The following IST1 variants were observed in gnomAD, a reference collection of about 807,000 sequenced individuals.
The protein encoded by IST1 is IST1 factor associated with ESCRT-III.
IST1 carries 23 observed loss-of-function variants against 37.0 expected under a neutral mutation model. The observed-to-expected ratio is 0.62, with a 90% confidence interval of 0.45 to 0.88. The LOEUF (loss-of-function observed/expected upper bound fraction) is 0.88. IST1 is among the 40% of genes least tolerant of loss of function. The probability of loss-of-function intolerance (pLI) is 0.00; values close to 1 mark genes in which losing one functional copy is unlikely to be tolerated. For synonymous variants in IST1, 180 were observed against 161.7 expected, an observed-to-expected ratio of 1.11 and a Z score of -0.86; for missense variants, 488 against 445.4, an observed-to-expected ratio of 1.10 and a Z score of -0.86.
At position 71,929,352 on chromosome 16, in the gene IST1, G is replaced by C. The variant is rs569907636; in HGVS notation, c.*1539G>C. On this transcript the variant is annotated 3_prime_UTR_variant, in exon 10 of 10. Transcript: ENST00000378799. ...CTTGGCAGCAGAGCTAGTTTGTCTC[G>C]TAGTATTCTTGCATTGTTAATCCTA... 132 of 545,962 alleles carry C rather than the reference G, an allele frequency of 2.4e-4. No individual in the cohort carries two copies. Among genetic ancestry groups the C allele is most frequent in the Non-Finnish European group, 3.6e-4 (117 of 328,480 alleles). 33.8% of individuals were successfully genotyped at this position (545,962 alleles called of 1,614,324 possible). A position where few individuals can be genotyped will look rare whatever the true frequency, so the allele number is the denominator to read the frequency against.
At chr16:71,906,621 A>C (rs967858274) in intron 1 of IST1, among the ~76,000 whole-genome samples, 1 of 152,098 alleles carries the variant, frequency 6.6e-6, no homozygotes, top group Non-Finnish European at 1.5e-5. Flanking sequence ...CTGGCCCGCA[A>C]TTCTTTTAGA....
chr16:71,911,245 C>G (rs376552847), intron 1 of IST1, among the ~76,000 whole-genome samples: 12 of 152,000 alleles, frequency 7.9e-5, no homozygotes, highest in African/African-American at 2.9e-4. Context: ...ACGTCAAAAA[C>G]AAAACAATAA....
chr16:71,929,430 C>T lies in IST1; in HGVS notation c.*1617C>T. On this transcript the variant is annotated 3_prime_UTR_variant, in exon 10 of 10. Transcript: ENST00000378799. ...CTTGGGACCAAGGGGATTTTGATTC[C>T]TAACTTACAGAATTAAAAACAAAGT... 1 of 1,171,692 alleles carries T rather than the reference C, an allele frequency of 8.5e-7. No individual in the cohort carries two copies. Among genetic ancestry groups the T allele is most frequent in the South Asian group, 1.8e-5 (1 of 54,136 alleles). The allele number at this position is 1,171,692 out of a possible 1,614,324, so 72.6% of individuals were successfully genotyped here.
chr16:71,927,591 G>A (rs202004527), intron 9 of IST1, 23 bp from the exon 10 acceptor site: 29 of 1,557,082 alleles, frequency 1.9e-5, no homozygotes, highest in East Asian at 4.5e-5. Context: ...TATTTGTAAC[G>A]TTGTGCTCCT....
intron 1 of IST1, among the ~76,000 whole-genome samples, chr16:71,902,905 C>T (rs748004440): frequency 1.3e-5 from 2 of 151,312 alleles, no homozygotes; most frequent in Non-Finnish European, 2.9e-5. Context: ...TTGATTTTTG[C>T]TTTCTTTTTG....
chr16:71,899,484 T>C (rs2037053102), intron 1 of IST1, among the ~76,000 whole-genome samples: 1 of 152,244 alleles, frequency 6.6e-6, no homozygotes, highest in Admixed American at 6.5e-5. Flanking sequence ...TAGCACCTCA[T>C]TGTGTCTGTT....
At chr16:71,911,710 ATTTTTTTTT>A (rs550809762) in intron 1 of IST1, among the ~76,000 whole-genome samples, 9 of 90,900 alleles carry the variant, frequency 9.9e-5, no homozygotes, top group South Asian at 4.0e-4. Flanking sequence ...TTAAACTTCG[ATTTTTTTTT>A]TTTTTTTTTT....
chr16:71,926,119 TA>T (rs1417021455), intron 9 of IST1, among the ~76,000 whole-genome samples: 5 of 151,744 alleles, frequency 3.3e-5, no homozygotes, highest in African/African-American at 1.2e-4. Context: ...CTGTCTCTAC[TA>T]AAAATACACA....
chr16:71,927,220 C>T (rs1487148025), intron 9 of IST1, among the ~76,000 whole-genome samples: 1 of 151,946 alleles, frequency 6.6e-6, no homozygotes, highest in Non-Finnish European at 1.5e-5. Flanking sequence ...TTTTTTTTAG[C>T]CAGATGCGGT....
rs1185381025 is a variant in IST1 at position 71,930,823 on chromosome 16, C to G, written c.*3010C>G. ...TTTCAACAAATGGTATTTATTTTCC[C>G]TTGGTATTGGCCCATTCATTGTTGC... is the stretch of plus-strand genomic sequence containing the variant. On this transcript the variant is annotated 3_prime_UTR_variant, in exon 10 of 10. Coordinates refer to ENST00000378799, the MANE Select transcript of IST1 (RefSeq NM_001270975.2). 1 of 152,084 alleles carries G rather than the reference C, an allele frequency of 6.6e-6. No homozygotes were observed. The highest frequency in any genetic ancestry group is 1.5e-5 in the Non-Finnish European group (1 of 68,022). The allele number at this position is 152,084 out of a possible 1,614,324, so 9.4% of individuals were successfully genotyped here.
intron 1 of IST1, among the ~76,000 whole-genome samples, chr16:71,903,433 A>G (rs1471475292): frequency 2.0e-5 from 3 of 152,136 alleles, no homozygotes; most frequent in East Asian, 1.9e-4. Context: ...TTGACCTCCA[A>G]GCAGTTCATC....
chr16:71,895,840 G>C (rs2036954584), intron 1 of IST1, among the ~76,000 whole-genome samples: 1 of 152,220 alleles, frequency 6.6e-6, no homozygotes, highest in South Asian at 2.1e-4. Flanking sequence ...GGAGGCCTCT[G>C]GTCCTGGATC....
In IST1 at chr16:71,929,731, T is replaced by A. The variant is rs1436772261; in HGVS notation, c.*1918T>A. The A allele has an allele frequency of 7.0e-6, 10 of 1,429,860 alleles. No homozygotes were observed. The highest frequency in any genetic ancestry group is 9.4e-6 in the Non-Finnish European group (10 of 1,064,644). The allele number at this position is 1,429,860 out of a possible 1,614,324, so 88.6% of individuals were successfully genotyped here. ...GTGAGAAAATTGAAATTACTGCTAA[T>A]AGTGGAGTAAAAAAAGTACCAAAGA... On this transcript the variant is annotated 3_prime_UTR_variant, in exon 10 of 10. Transcript: ENST00000378799.
At chr16:71,905,035 T>G (rs1465142437) in intron 1 of IST1, among the ~76,000 whole-genome samples, 2 of 151,992 alleles carry the variant, frequency 1.3e-5, no homozygotes, top group Non-Finnish European at 2.9e-5. Context: ...TGTGTAGTAT[T>G]TTTGTTTTTT....
At chr16:71,921,632 G>A in intron 6 of IST1, 179 bp downstream of exon 6, 1 of 538,802 alleles carries the variant, frequency 1.9e-6, no homozygotes, top group South Asian at 2.5e-5. Context: ...GGAATTAGAT[G>A]AATGACAACA....
chr16:71,915,529 C>A (rs1376110749), intron 1 of IST1, 97 bp from the exon 2 acceptor site: 10 of 712,162 alleles, frequency 1.4e-5, no homozygotes, highest in Non-Finnish European at 1.9e-5. Context: ...ATTAGAAAAA[C>A]ACTCTGTTTT....
At chr16:71,915,531 C>T in intron 1 of IST1, 95 bp from the exon 2 acceptor site, 1 of 718,900 alleles carries the variant, frequency 1.4e-6, no homozygotes, top group Non-Finnish European at 2.3e-6. Flanking sequence ...TAGAAAAACA[C>T]TCTGTTTTTG....
intron 6 of IST1, 57 bp from the exon 7 acceptor site, chr16:71,922,417 C>T (rs957624165): frequency 2.1e-6 from 3 of 1,458,954 alleles, no homozygotes; most frequent in African/African-American, 2.8e-5. Context: ...ACTCCGCTTT[C>T]TGGGGAACCT....
At chr16:71,914,122 G>GT (rs745420144) in intron 1 of IST1, among the ~76,000 whole-genome samples, 1 of 145,896 alleles carries the variant, frequency 6.9e-6, no homozygotes, top group Non-Finnish European at 1.5e-5. Context: ...TTTGTTGTTT[G>GT]TTGTTTTTCC....
Sources: allele counts gnomAD v4.1 joint callset (sites outside exome capture counted in the v4.1 genomes callset), GRCh38; gene constraint gnomAD v4.1.1; transcripts MANE v1.5; gene names NCBI Gene and HGNC (gene_info 2026-07-23, HGNC 2026-07-21).